The following B3GALT5 variants were observed in gnomAD, a reference collection of about 807,000 sequenced individuals.
The protein encoded by B3GALT5 is beta-1,3-galactosyltransferase 5.
For synonymous variants in B3GALT5, 156 were observed against 158.6 expected, an observed-to-expected ratio of 0.98 and a Z score of 0.12; for missense variants, 328 against 396.6, an observed-to-expected ratio of 0.83 and a Z score of 1.47.
In B3GALT5 at chr21:39,651,360, A is replaced by C. The variant is rs111702173; in HGVS notation, c.-161+4738A>C. On this transcript the variant is annotated intron_variant, in intron 2 of 3. Transcript: ENST00000684187. ...TGGGGTTGGTTCTTCTGAGGCTGTCAGGGAGAATCTACTCCAGGCCCTCCC... is the reference window on the plus strand; with the variant it reads ...TGGGGTTGGTTCTTCTGAGGCTGTCCGGGAGAATCTACTCCAGGCCCTCCC... Among the ~76,000 whole-genome samples the C allele has an allele frequency of 1.8e-3, 267 of 152,312 alleles. 5 individuals are homozygous for C. Among genetic ancestry groups the C allele is most frequent in the Non-Finnish European group, 1.5e-3 (99 of 68,018 alleles).
At chr21:39,647,794 A>G (rs1246506325) in intron 2 of B3GALT5, among the ~76,000 whole-genome samples, 2 of 152,230 alleles carry the variant, frequency 1.3e-5, no homozygotes, top group Admixed American at 6.5e-5. Context: ...AGCTTCCAGA[A>G]TAATCTGGGA....
At chr21:39,634,621 T>C (rs537546371) in intron 1 of B3GALT5, among the ~76,000 whole-genome samples, 37 of 152,248 alleles carry the variant, frequency 2.4e-4, no homozygotes, top group African/African-American at 8.4e-4. Context: ...TTGGCAGCTG[T>C]GCAGGCCAGC....
At chr21:39,619,315 TTTC>T (rs1435280736) in intron 1 of B3GALT5, among the ~76,000 whole-genome samples, 1 of 152,158 alleles carries the variant, frequency 6.6e-6, no homozygotes, top group Non-Finnish European at 1.5e-5. Flanking sequence ...AAGAGATTCC[TTTC>T]TTCTTATGAG....
chr21:39,652,174 G>T (rs2079402322), intron 2 of B3GALT5, among the ~76,000 whole-genome samples: 2 of 152,214 alleles, frequency 1.3e-5, no homozygotes, highest in Non-Finnish European at 2.9e-5. Flanking sequence ...GTGCCAGCGG[G>T]CTCTCAGTAG....
Position 39,660,839 on chromosome 21 carries a change from T to C in B3GALT5, c.280T>C (p.Phe94Leu). Residue 94 changes from phenylalanine to leucine, a missense_variant, in exon 4 of 4, where the codon TTC becomes CTC. Physicochemically the swap from Phe to Leu is conservative, Grantham distance 22. Coordinates refer to ENST00000684187, the MANE Select transcript of B3GALT5 (RefSeq NM_001356336.2). ...RMVKGKQLKTFFLLGTTSSAA... is the reference protein window; with the variant it reads ...RMVKGKQLKTLFLLGTTSSAA... ...GGTGAAGGGAAAGCAGCTGAAGACATTCTTCCTCCTGGGGACCACCAGCAG... is the reference window on the plus strand; with the variant it reads ...GGTGAAGGGAAAGCAGCTGAAGACACTCTTCCTCCTGGGGACCACCAGCAG... The C allele has an allele frequency of 6.2e-7, 1 of 1,609,010 alleles. No individual in the cohort carries two copies. The highest frequency in any genetic ancestry group is 8.5e-7 in the Non-Finnish European group (1 of 1,177,630).
chr21:39,652,978 T>C (rs767813842), intron 2 of B3GALT5, among the ~76,000 whole-genome samples: 1 of 152,200 alleles, frequency 6.6e-6, no homozygotes, highest in African/African-American at 2.4e-5. Flanking sequence ...AATTTGCATA[T>C]AGTGAAGTGT....
intron 1 of B3GALT5, among the ~76,000 whole-genome samples, chr21:39,621,102 G>GA (rs1004583004): frequency 5.3e-5 from 8 of 151,726 alleles, no homozygotes; most frequent in African/African-American, 1.9e-4. Context: ...CTTTCTCTGA[G>GA]AAAAAAAAGT....
chr21:39,661,294 T>G lies in B3GALT5; in HGVS notation c.735T>G (p.Phe245Leu). ...SVPYIKLEDV[F>L]VGLCLERLNI... ...CATACATTAAACTGGAAGACGTGTTTGTGGGGCTCTGCCTCGAAAGGCTGA... is the reference window on the plus strand; with the variant it reads ...CATACATTAAACTGGAAGACGTGTTGGTGGGGCTCTGCCTCGAAAGGCTGA... Residue 245 changes from phenylalanine (F) to leucine (L), a missense_variant, in exon 4 of 4, where the codon TTT becomes TTG. By Grantham distance (22) the Phe-to-Leu change is conservative (BLOSUM62 0). Coordinates refer to ENST00000684187, the MANE Select transcript of B3GALT5 (RefSeq NM_001356336.2). This position sits in a 1 kb window ranked among gnomAD's most constrained non-coding sequence, Gnocchi z 4.7. 2.5e-6 allele frequency: 4 copies of G among 1,614,196 alleles called. No homozygotes were observed. Among genetic ancestry groups the G allele is most frequent in the Non-Finnish European group, 3.4e-6 (4 of 1,180,044 alleles).
chr21:39,627,810 A>G (rs1377231913), intron 1 of B3GALT5, among the ~76,000 whole-genome samples: 1 of 152,200 alleles, frequency 6.6e-6, no homozygotes, highest in Non-Finnish European at 1.5e-5. Flanking sequence ...TAGCTACTTG[A>G]CAGGTAGTCT....
Position 39,660,777 on chromosome 21 carries a change from G to T in B3GALT5, c.218G>T (p.Arg73Leu). 1 of 1,566,944 alleles carries T rather than the reference G, an allele frequency of 6.4e-7. No homozygotes were observed. The highest frequency in any genetic ancestry group is 8.6e-7 in the Non-Finnish European group (1 of 1,156,826). The change falls in exon 4 of 4, where the codon CGC becomes CTC. Residue 73 changes from arginine (R) to leucine (L), a missense_variant. By Grantham distance (102) the Arg-to-Leu change is moderately radical. Transcript: ENST00000684187. ...VTSSHKQLAE[R>L]MAIRQTWGKE... ...TCATCCCACAAACAGTTGGCTGAGC[G>T]CATGGCCATCCGGCAGACGTGGGGG... is the stretch of plus-strand genomic sequence containing the variant.
At chr21:39,631,514 A>G (rs980904894) in intron 1 of B3GALT5, among the ~76,000 whole-genome samples, 1 of 152,166 alleles carries the variant, frequency 6.6e-6, no homozygotes, top group Non-Finnish European at 1.5e-5. Context: ...CTATTTCCAA[A>G]TAAGGTCACA....
At chr21:39,648,286 G>T (rs1183508570) in intron 2 of B3GALT5, among the ~76,000 whole-genome samples, 1 of 151,636 alleles carries the variant, frequency 6.6e-6, no homozygotes, top group African/African-American at 2.4e-5. Flanking sequence ...ATTTGGAGCT[G>T]CAAGTAAAGG....
At chr21:39,618,878 T>C (rs1315402912) in intron 1 of B3GALT5, among the ~76,000 whole-genome samples, 3 of 152,220 alleles carry the variant, frequency 2.0e-5, no homozygotes, top group Non-Finnish European at 2.9e-5. Flanking sequence ...CTATAAAGAT[T>C]GTCTCATATA....
intron 1 of B3GALT5, among the ~76,000 whole-genome samples, chr21:39,623,000 A>G (rs923518318): frequency 1.3e-5 from 2 of 151,872 alleles, no homozygotes; most frequent in Non-Finnish European, 2.9e-5. Flanking sequence ...TTAACTAACA[A>G]CCTTGTTCCC....
At chr21:39,655,233 T>C (rs1219290157) in intron 2 of B3GALT5, among the ~76,000 whole-genome samples, 1 of 152,212 alleles carries the variant, frequency 6.6e-6, no homozygotes, top group Non-Finnish European at 1.5e-5. Context: ...AGGAAAAGAC[T>C]GAAGGCCCAG....
At chr21:39,660,469 C>G (rs553760421) in intron 3 of B3GALT5, 91 bp from the exon 4 acceptor site, 2 of 1,141,286 alleles carry the variant, frequency 1.8e-6, no homozygotes, top group Non-Finnish European at 2.3e-6. Context: ...TTCCAAAACA[C>G]GGGTCTCCTC....
chr21:39,650,483 G>A (rs1220274796), intron 2 of B3GALT5, among the ~76,000 whole-genome samples: 1 of 152,192 alleles, frequency 6.6e-6, no homozygotes, highest in Admixed American at 6.5e-5. Flanking sequence ...TGATGAGTGA[G>A]ACTTTTGTCC....
chr21:39,665,694 T>G lies in B3GALT5; in HGVS notation c.*4202T>G, dbSNP rs1340507956. The G allele has an allele frequency of 6.6e-6, 1 of 152,230 alleles. No individual in the cohort carries two copies. Among genetic ancestry groups the G allele is most frequent in the African/African-American group, 2.4e-5 (1 of 41,446 alleles). The allele number at this position is 152,230 out of a possible 1,614,324, so 9.4% of individuals were successfully genotyped here. On this transcript the variant is annotated 3_prime_UTR_variant, in exon 4 of 4. Coordinates refer to ENST00000684187, the MANE Select transcript of B3GALT5 (RefSeq NM_001356336.2). Reference sequence around the variant, plus strand: ...CTTCGCTTCTTTGCCTTGTTGACATTTGGTCAATGTCACCTTCTCAGTGAG... The same window carrying G: ...CTTCGCTTCTTTGCCTTGTTGACATGTGGTCAATGTCACCTTCTCAGTGAG...
intron 1 of B3GALT5, among the ~76,000 whole-genome samples, chr21:39,636,171 A>G (rs562769419): frequency 6.6e-6 from 1 of 152,350 alleles, no homozygotes; most frequent in South Asian, 2.1e-4. Flanking sequence ...GTAGTATCAC[A>G]TGGAATCATT....
Sources: allele counts gnomAD v4.1 joint callset (sites outside exome capture counted in the v4.1 genomes callset), GRCh38; gene constraint gnomAD v4.1.1; non-coding constraint Gnocchi (gnomAD v3.1); transcripts MANE v1.5; gene names NCBI Gene and HGNC (gene_info 2026-07-23, HGNC 2026-07-21).